CACNA2D1: variants seen among roughly 807,000 people sequenced by gnomAD.
CACNA2D1 encodes the protein voltage-dependent calcium channel subunit alpha-2/delta-1.
CACNA2D1 carries 53 observed loss-of-function variants against 171.5 expected under a neutral mutation model. The ratio of observed to expected loss-of-function variants is 0.31; its 90% confidence interval spans 0.25 to 0.39. CACNA2D1 has a LOEUF of 0.39. Among genes scored for constraint, CACNA2D1 ranks in the 10% least tolerant of loss-of-function variants. The pLI is 1.00. For missense variants in CACNA2D1, 903 were observed against 1,299.8 expected, an observed-to-expected ratio of 0.69 and a Z score of 4.69; for synonymous variants, 442 against 443.1, an observed-to-expected ratio of 1.00 and a Z score of 0.03.
rs1301810193 is a variant in CACNA2D1 at position 82,398,606 on chromosome 7, C to A, written c.95+44759G>T. Among the ~76,000 whole-genome samples, 3 of 148,420 alleles carry A rather than the reference C, an allele frequency of 2.0e-5. No individual in the cohort carries two copies. In the East Asian group the frequency reaches 6.0e-4, roughly 30 times the overall value. ...CCTTTTTTTTTTTTTCAGATAGGGT[C>A]TTGCTCAGTTGTCCAGGCTGAAGTG... is the stretch of plus-strand genomic sequence containing the variant. On this transcript the variant is annotated intron_variant, in intron 1 of 38. Coordinates refer to ENST00000356860, the MANE Select transcript of CACNA2D1 (RefSeq NM_000722.4).
At chr7:82,210,722 CT>C (rs1481271198) in intron 3 of CACNA2D1, among the ~76,000 whole-genome samples, 1 of 152,156 alleles carries the variant, frequency 6.6e-6, no homozygotes, top group African/African-American at 2.4e-5. Context: ...CTCTCTGTTC[CT>C]AGGAACAACT....
chr7:81,967,143 A>G, intron 31 of CACNA2D1, 26 bp downstream of exon 31: 1 of 1,572,168 alleles, frequency 6.4e-7, no homozygotes, highest in Non-Finnish European at 8.7e-7. Flanking sequence ...ATTGTACTCA[A>G]AAGTGATTTT....
intron 6 of CACNA2D1, among the ~76,000 whole-genome samples, chr7:82,114,760 G>GAAAAAAAAAAAAAAAAAAAA: frequency 9.7e-6 from 1 of 103,112 alleles, no homozygotes; most frequent in Non-Finnish European, 2.1e-5. Flanking sequence ...CGTCCCAGAA[G>GAAAAAAAAAAAAAAAAAAAA]AAAAAAAAAA....
At chr7:82,075,373 A>G (rs1323134527) in intron 7 of CACNA2D1, among the ~76,000 whole-genome samples, 2 of 152,184 alleles carry the variant, frequency 1.3e-5, no homozygotes, top group Non-Finnish European at 2.9e-5. Flanking sequence ...GAAATACTCA[A>G]TAAAGTAAAT....
chr7:82,387,880 A>G (rs1034521873), intron 1 of CACNA2D1, among the ~76,000 whole-genome samples: 30 of 152,028 alleles, frequency 2.0e-4, no homozygotes, highest in Admixed American at 6.6e-5. Context: ...TAGGAGTTCT[A>G]GACCAGCCTA....
intron 1 of CACNA2D1, among the ~76,000 whole-genome samples, chr7:82,392,604 A>G (rs1825254921): frequency 6.6e-6 from 1 of 152,164 alleles, no homozygotes; most frequent in East Asian, 1.9e-4. Flanking sequence ...GGGGCCAAGC[A>G]AGGCCTAGGT....
chr7:82,398,552 A>G (rs1314439098), intron 1 of CACNA2D1, among the ~76,000 whole-genome samples: 1 of 151,338 alleles, frequency 6.6e-6, no homozygotes, highest in African/African-American at 2.4e-5. Context: ...AGGTCTCACT[A>G]CACTACCACT....
At chr7:82,119,740 ATGGCTACGTT>A (rs1223980844) in intron 5 of CACNA2D1, among the ~76,000 whole-genome samples, 2 of 152,198 alleles carry the variant, frequency 1.3e-5, no homozygotes, top group Admixed American at 6.5e-5. Context: ...CAATCATACT[ATGGCTACGTT>A]TATGTCCCCA....
chr7:82,081,947 G>C (rs551463562), intron 7 of CACNA2D1, among the ~76,000 whole-genome samples: 18 of 152,320 alleles, frequency 1.2e-4, no homozygotes, highest in East Asian at 1.9e-4. Context: ...GGTTAGACCA[G>C]GCATGTCATA....
chr7:82,394,967 A>G (rs374627581), intron 1 of CACNA2D1, among the ~76,000 whole-genome samples: 4 of 152,290 alleles, frequency 2.6e-5, no homozygotes, highest in African/African-American at 7.2e-5. Context: ...ACCATCAGCC[A>G]TAATAATAAA....
intron 12 of CACNA2D1, 101 bp downstream of exon 12, chr7:82,032,696 G>T: frequency 6.2e-6 from 4 of 645,646 alleles, no homozygotes; most frequent in Non-Finnish European, 1.1e-5. Context: ...GCACAATCAG[G>T]TTTTAAATCA....
At chr7:82,204,482 C>G (rs1799810978) in intron 3 of CACNA2D1, among the ~76,000 whole-genome samples, 1 of 152,130 alleles carries the variant, frequency 6.6e-6, no homozygotes. Context: ...AAATAAAAAC[C>G]TGGCTTAATG....
intron 10 of CACNA2D1, among the ~76,000 whole-genome samples, chr7:82,059,897 C>CA (rs1340636251): frequency 2.2e-5 from 3 of 134,974 alleles, no homozygotes; most frequent in Non-Finnish European, 4.7e-5. Flanking sequence ...ATCGCAAGGA[C>CA]AAAAAACCAA....
intron 3 of CACNA2D1, among the ~76,000 whole-genome samples, chr7:82,225,072 T>A (rs1245891290): frequency 1.3e-5 from 2 of 152,152 alleles, no homozygotes; most frequent in Non-Finnish European, 2.9e-5. Context: ...ATCTTACTAC[T>A]TTGTTGAGAA....
intron 12 of CACNA2D1, among the ~76,000 whole-genome samples, chr7:82,017,340 GT>G (rs1252942437): frequency 1.3e-5 from 2 of 152,060 alleles, no homozygotes; most frequent in Non-Finnish European, 2.9e-5. Flanking sequence ...TGTTGAACTT[GT>G]TTTTTCTTTG....
intron 7 of CACNA2D1, among the ~76,000 whole-genome samples, chr7:82,073,306 T>C (rs990838064): frequency 6.6e-6 from 1 of 152,196 alleles, no homozygotes; most frequent in African/African-American, 2.4e-5. Flanking sequence ...TCTAAAACTC[T>C]CTTTCAGTTC....
intron 3 of CACNA2D1, among the ~76,000 whole-genome samples, chr7:82,304,724 T>C (rs922929285): frequency 6.6e-6 from 1 of 151,968 alleles, no homozygotes; most frequent in African/African-American, 2.4e-5. Context: ...GAGGGGTGTA[T>C]AGAGAGGGGC....
chr7:82,279,755 A>G (rs1809836425), intron 3 of CACNA2D1, among the ~76,000 whole-genome samples: 1 of 152,194 alleles, frequency 6.6e-6, no homozygotes. Flanking sequence ...ATTTGAAAAA[A>G]TTAGGTCTCC....
At chr7:82,412,534 C>A (rs1050226476) in intron 1 of CACNA2D1, among the ~76,000 whole-genome samples, 1 of 151,960 alleles carries the variant, frequency 6.6e-6, no homozygotes. Context: ...CTGCCCGCCT[C>A]AGCCTCCCAA....
Sources: allele counts gnomAD v4.1 joint callset (sites outside exome capture counted in the v4.1 genomes callset), GRCh38; gene constraint gnomAD v4.1.1; transcripts MANE v1.5; gene names NCBI Gene and HGNC (gene_info 2026-07-23, HGNC 2026-07-21).